CORO2B: variants seen among roughly 807,000 people sequenced by gnomAD.
CORO2B encodes the protein coronin-2B.
A neutral mutation model predicts 58.8 loss-of-function variants in CORO2B; 26 were observed. The ratio of observed to expected loss-of-function variants is 0.44; its 90% CI spans 0.32 to 0.61. The LOEUF (loss-of-function observed/expected upper bound fraction) is 0.61. Ranked by LOEUF, CORO2B falls within the 20% of genes least tolerant of loss-of-function variation. The pLI, the probability that CORO2B is intolerant of heterozygous loss-of-function variation, is 0.04. For missense variants in CORO2B, 460 were observed against 645.1 expected, an observed-to-expected ratio of 0.71 and a Z score of 3.11; for synonymous variants, 242 against 253.8, an observed-to-expected ratio of 0.95 and a Z score of 0.44.
At chr15:68,664,655 A>C (rs578231339) in intron 2 of CORO2B, among the ~76,000 whole-genome samples, 53 of 152,242 alleles carry the variant, frequency 3.5e-4, no homozygotes, top group Admixed American at 7.2e-4. Flanking sequence ...TCAAAAAAAA[A>C]CCAAAAACCA....
chr15:68,553,349 A>AG, the CORO2B span, among the ~76,000 whole-genome samples: 1 of 58,022 alleles, frequency 1.7e-5, no homozygotes, highest in East Asian at 1.6e-3. Flanking sequence ...GGTAGTCCTA[A>AG]AGTAATCACA....
chr15:68,604,063 C>T (rs59395548), intron 1 of CORO2B, among the ~76,000 whole-genome samples: 7,016 of 152,196 alleles, frequency 0.046, 547 homozygotes, highest in African/African-American at 0.16. Context: ...CCCATAGAAG[C>T]GTTGTGAGCA....
Position 68,725,900 on chromosome 15 carries a change from G to T in CORO2B, c.1369G>T (p.Ala457Ser). Residue 457 changes from alanine (A) to serine (S), a missense_variant, in exon 12 of 12, where the codon GCC (alanine) becomes TCC (serine). By Grantham distance (99) the Ala-to-Ser change is moderately conservative. Coordinates refer to ENST00000261861, the MANE Select transcript of CORO2B (RefSeq NM_006091.5). The part of the protein sequence containing the change: ...DEIRRLKEEL[A>S]QKDIRIRQLQ... Reference sequence around the variant, plus strand: ...GATTCGACGGTTGAAAGAGGAGCTGGCCCAGAAGGACATCCGCATTCGGCA... The same window carrying T: ...GATTCGACGGTTGAAAGAGGAGCTGTCCCAGAAGGACATCCGCATTCGGCA... 1 of 1,614,018 alleles carries T rather than the reference G, an allele frequency of 6.2e-7. No homozygotes were observed. Among genetic ancestry groups the T allele is most frequent in the South Asian group, 1.1e-5 (1 of 91,082 alleles).
the CORO2B span, among the ~76,000 whole-genome samples, chr15:68,538,192 AT>A: frequency 1.3e-5 from 2 of 152,130 alleles, no homozygotes; most frequent in Non-Finnish European, 2.9e-5. Context: ...GATCCCAATA[AT>A]TTTTTCCCTT....
chr15:68,707,529 T>C lies in CORO2B; in HGVS notation c.334-3203T>C, dbSNP rs146499676. Among the ~76,000 whole-genome samples the C allele has an allele frequency of 3.2e-4, 49 of 152,344 alleles. 1 individual carries two copies. Among genetic ancestry groups the C allele is most frequent in the Non-Finnish European group, 6.3e-4 (43 of 68,026 alleles). ...GATTATATTCATCATGGAACGGTCATACAACAGATGCCTCTCTGGCCACTT... is the reference window on the plus strand; with the variant it reads ...GATTATATTCATCATGGAACGGTCACACAACAGATGCCTCTCTGGCCACTT... On this transcript the variant is annotated intron_variant, in intron 3 of 11. Coordinates refer to ENST00000261861, the MANE Select transcript of CORO2B (RefSeq NM_006091.5).
chr15:68,626,082 AT>A (rs1238622350), intron 1 of CORO2B, among the ~76,000 whole-genome samples: 4 of 152,120 alleles, frequency 2.6e-5, no homozygotes, highest in Admixed American at 1.3e-4. Flanking sequence ...AATTTGTTTG[AT>A]TCATATGTAA....
chr15:68,682,723 G>A (rs1280105526), intron 2 of CORO2B, among the ~76,000 whole-genome samples: 1 of 152,168 alleles, frequency 6.6e-6, no homozygotes, highest in East Asian at 1.9e-4. Flanking sequence ...GACCTAGAGA[G>A]ACAGAGATTC....
chr15:68,578,709 G>A (rs911506682), upstream of CORO2B, among the ~76,000 whole-genome samples: 1 of 152,102 alleles, frequency 6.6e-6, no homozygotes, highest in African/African-American at 2.4e-5. This position sits in a 1 kb window ranked among gnomAD's most constrained non-coding sequence, Gnocchi z 4.2. Flanking sequence ...CCGAGAGCCC[G>A]GGGCGCCGCC....
chr15:68,589,237 T>C (rs1361004926), intron 1 of CORO2B, among the ~76,000 whole-genome samples: 1 of 152,250 alleles, frequency 6.6e-6, no homozygotes, highest in African/African-American at 2.4e-5. Context: ...CCTTGTTTGC[T>C]GATTATCTTA....
At chr15:68,704,472 GA>G (rs1464209300) in intron 3 of CORO2B, among the ~76,000 whole-genome samples, 1 of 152,038 alleles carries the variant, frequency 6.6e-6, no homozygotes, top group Non-Finnish European at 1.5e-5. Flanking sequence ...GAAACTTGGG[GA>G]AAATCTCACA....
intron 3 of CORO2B, 150 bp downstream of exon 3, chr15:68,695,406 G>A (rs959981182): frequency 1.1e-5 from 7 of 635,376 alleles, no homozygotes; most frequent in Non-Finnish European, 2.0e-5. Flanking sequence ...ATGTGGGGGG[G>A]ATGGGAGCTA....
the CORO2B span, among the ~76,000 whole-genome samples, chr15:68,551,272 C>T: frequency 3.9e-5 from 6 of 152,072 alleles, no homozygotes; most frequent in Admixed American, 2.0e-4. Flanking sequence ...GAGTGCCTGA[C>T]CCCCAGCCTA....
intron 2 of CORO2B, among the ~76,000 whole-genome samples, chr15:68,681,025 C>T (rs1227687086): frequency 6.6e-6 from 1 of 152,090 alleles, no homozygotes; most frequent in Non-Finnish European, 1.5e-5. Flanking sequence ...ACCAGCCTGG[C>T]CAACATGGTG....
intron 1 of CORO2B, among the ~76,000 whole-genome samples, chr15:68,589,966 G>A (rs748908795): frequency 1.3e-5 from 2 of 152,040 alleles, no homozygotes; most frequent in South Asian, 2.1e-4. Context: ...ACAGTGGCCC[G>A]TGACCCCCGG....
chr15:68,538,459 T>C, the CORO2B span, among the ~76,000 whole-genome samples: 55 of 152,228 alleles, frequency 3.6e-4, no homozygotes, highest in Non-Finnish European at 6.3e-4. Context: ...GGGCTGGTCC[T>C]GGGTGTACCC....
At chr15:68,528,681 T>C in the CORO2B span, among the ~76,000 whole-genome samples, 1 of 150,562 alleles carries the variant, frequency 6.6e-6, no homozygotes, top group East Asian at 1.9e-4. Context: ...CTCCTCTTTT[T>C]TCTGAGTGTT....
intron 1 of CORO2B, among the ~76,000 whole-genome samples, chr15:68,619,679 GTA>G (rs555650314): frequency 4.0e-5 from 6 of 151,702 alleles, no homozygotes; most frequent in Admixed American, 2.6e-4. Context: ...GTGTGTGTGT[GTA>G]TATATATATG....
intron 1 of CORO2B, among the ~76,000 whole-genome samples, chr15:68,643,505 A>G (rs1378938215): frequency 1.3e-5 from 2 of 152,194 alleles, no homozygotes; most frequent in Admixed American, 1.3e-4. Context: ...GGGACACAGC[A>G]TGGGCAAAGG....
chr15:68,552,469 CG>C, the CORO2B span, among the ~76,000 whole-genome samples: 3 of 8,388 alleles, frequency 3.6e-4, no homozygotes, highest in African/African-American at 9.6e-4. Flanking sequence ...TAGGAGGACG[CG>C]GGGGGGTGGG....
Sources: allele counts gnomAD v4.1 joint callset (sites outside exome capture counted in the v4.1 genomes callset), GRCh38; gene constraint gnomAD v4.1.1; non-coding constraint Gnocchi (gnomAD v3.1); transcripts MANE v1.5; gene names NCBI Gene and HGNC (gene_info 2026-07-23, HGNC 2026-07-21).